Variants in PCDHAC1 observed in about 807,000 individuals in gnomAD.
PCDHAC1 encodes the protein protocadherin alpha-C1.
A neutral mutation model predicts 60.0 loss-of-function variants in PCDHAC1; 42 were observed. The ratio of observed to expected loss-of-function variants is 0.70; its 90% CI spans 0.55 to 0.90. The LOEUF is 0.90. Among genes scored for constraint, PCDHAC1 ranks in the 40% least tolerant of loss-of-function variants. The pLI, the probability that PCDHAC1 is intolerant of heterozygous loss-of-function variation, is 0.00. For synonymous variants in PCDHAC1, 468 were observed against 499.3 expected (o/e 0.94, Z 0.84); for missense variants, 1,160 against 1,222.3 (o/e 0.95, Z 0.76).
At chr5:140,965,861 T>C (rs971753310) in intron 1 of PCDHAC1, among the ~76,000 whole-genome samples, 3 of 152,192 alleles carry the variant, frequency 2.0e-5, no homozygotes, top group African/African-American at 7.2e-5. Flanking sequence ...ACACTGAAAA[T>C]AAGGGCCACT....
chr5:140,939,903 CT>C (rs1485545948), intron 1 of PCDHAC1, among the ~76,000 whole-genome samples: 1 of 152,046 alleles, frequency 6.6e-6, no homozygotes, highest in Non-Finnish European at 1.5e-5. Context: ...ATTCTGCATT[CT>C]TTTTTATTCT....
At chr5:140,938,469 T>C (rs1172900934) in intron 1 of PCDHAC1, among the ~76,000 whole-genome samples, 1 of 152,218 alleles carries the variant, frequency 6.6e-6, no homozygotes, top group South Asian at 2.1e-4. Flanking sequence ...TAATTTATTA[T>C]GTTTTTTAAA....
At chr5:140,956,181 T>C (rs1351584707) in intron 1 of PCDHAC1, among the ~76,000 whole-genome samples, 1 of 152,212 alleles carries the variant, frequency 6.6e-6, no homozygotes, top group South Asian at 2.1e-4. Flanking sequence ...CTTCCAATAC[T>C]ATGCTGAATA....
chr5:140,994,608 G>A (rs1231327885), intron 3 of PCDHAC1, among the ~76,000 whole-genome samples: 1 of 152,098 alleles, frequency 6.6e-6, no homozygotes, highest in African/African-American at 2.4e-5. Context: ...GGGAGGCTGA[G>A]GCACGAGAGT....
In PCDHAC1 at chr5:140,978,905, T is replaced by C. The variant is rs782532288; in HGVS notation, c.2434-44T>C. 9 of 1,613,632 alleles carry C rather than the reference T, an allele frequency of 5.6e-6. No homozygotes were observed. In the South Asian group the frequency reaches 9.9e-5, roughly 18 times the overall value. On this transcript the variant is annotated intron_variant, in intron 1 of 3. Coordinates refer to ENST00000253807, the MANE Select transcript of PCDHAC1 (RefSeq NM_018898.5). ...AATTAGCAGCATTCCTGGGAGAACA[T>C]TGTCTTGTCATTTTAACAGAAAACT...
intron 1 of PCDHAC1, chr5:140,968,346 C>T: frequency 6.2e-7 from 1 of 1,614,090 alleles, no homozygotes. Flanking sequence ...ATTAACAGTG[C>T]CAGTGGCAGC....
In PCDHAC1 at chr5:140,927,750, G is replaced by T. The variant is rs155819; in HGVS notation, c.858G>T (p.Val286=). The T allele has an allele frequency of 1.4e-3, 2,310 of 1,614,204 alleles. 26 individuals carry two copies. In the African/African-American group the frequency reaches 0.026, roughly 18 times the overall value. Residue 286 remains valine, a synonymous_variant, in exon 1 of 4, where the codon GTG becomes GTT. Coordinates refer to ENST00000253807, the MANE Select transcript of PCDHAC1 (RefSeq NM_018898.5). The part of the protein sequence containing the change: ...TQAELRHRFH[V]HPKSGEVQVA... ...CAGAGCTGCGACACCGCTTTCACGT[G>T]CACCCTAAAAGTGGGGAGGTGCAAG...
chr5:140,955,585 T>G (rs1438222402), intron 1 of PCDHAC1, among the ~76,000 whole-genome samples: 1 of 152,198 alleles, frequency 6.6e-6, no homozygotes, highest in African/African-American at 2.4e-5. Context: ...CAATTAAACC[T>G]CTTTCTTTTA....
chr5:140,977,074 T>C (rs1315038002), intron 1 of PCDHAC1, among the ~76,000 whole-genome samples: 1 of 152,244 alleles, frequency 6.6e-6, no homozygotes, highest in Admixed American at 6.5e-5. Flanking sequence ...AATAGCAGCA[T>C]GACAAATTAA....
Position 140,927,150 on chromosome 5 carries a change from G to GT in PCDHAC1, c.259dup (p.Cys87LeufsTer33). The GT allele has an allele frequency of 6.2e-7, 1 of 1,614,134 alleles. No homozygotes were observed. Among genetic ancestry groups the GT allele is most frequent in the Non-Finnish European group, 8.5e-7 (1 of 1,180,016 alleles). On this transcript the variant is annotated frameshift_variant, in exon 1 of 4. Coordinates refer to ENST00000253807, the MANE Select transcript of PCDHAC1 (RefSeq NM_018898.5). LOFTEE classifies it high-confidence loss of function. ...GAGAGCCGGCGGACCGCGAACAGCT[G>GT]TGCAGGGCCAAAGCTGCCTGCGTCT... is the stretch of plus-strand genomic sequence containing the variant.
Position 141,010,391 on chromosome 5 carries a change from C to T in PCDHAC1, c.*454C>T, listed in dbSNP as rs976643195. The T allele has an allele frequency of 2.2e-5, 30 of 1,386,642 alleles. No homozygotes were observed. Among genetic ancestry groups the T allele is most frequent in the South Asian group, 2.9e-5 (2 of 68,924 alleles). The allele number at this position is 1,386,642 out of a possible 1,614,324, so 85.9% of individuals were successfully genotyped here. A position where few individuals can be genotyped will look rare whatever the true frequency, so the allele number is the denominator to read the frequency against. The stretch of plus-strand genomic sequence containing the variant: ...TGCGAGTGCCAGATATTGGCTGAGA[C>T]GAGCCAGCTTAGACTAATTGGTACA... On this transcript the variant is annotated 3_prime_UTR_variant, in exon 4 of 4. Transcript: ENST00000253807.
intron 1 of PCDHAC1, among the ~76,000 whole-genome samples, chr5:140,954,639 T>A (rs1433862413): frequency 6.6e-6 from 1 of 152,240 alleles, no homozygotes; most frequent in East Asian, 1.9e-4. Flanking sequence ...TCTTGTAAAT[T>A]TGTTTAAGTT....
intron 1 of PCDHAC1, among the ~76,000 whole-genome samples, chr5:140,975,119 A>C (rs2096654213): frequency 6.6e-6 from 1 of 152,038 alleles, no homozygotes; most frequent in African/African-American, 2.4e-5. Context: ...CTGTTTTCCT[A>C]CTTACTATTG....
intron 3 of PCDHAC1, among the ~76,000 whole-genome samples, chr5:140,994,582 G>A (rs1179279862): frequency 6.6e-6 from 1 of 152,062 alleles, no homozygotes; most frequent in Non-Finnish European, 1.5e-5. Context: ...GCATGCACTT[G>A]TAGTCTCAGC....
chr5:140,942,316 A>G (rs1197832358), intron 1 of PCDHAC1, among the ~76,000 whole-genome samples: 1 of 152,100 alleles, frequency 6.6e-6, no homozygotes, highest in Non-Finnish European at 1.5e-5. Flanking sequence ...AGGTCGAGGC[A>G]CAAGAATCAC....
intron 3 of PCDHAC1, among the ~76,000 whole-genome samples, chr5:140,999,672 C>T (rs2153958475): frequency 6.6e-6 from 1 of 152,214 alleles, no homozygotes; most frequent in South Asian, 2.1e-4. Context: ...TTGCGGGGGG[C>T]TCACAGAAAG....
chr5:140,957,555 A>G (rs911734380), intron 1 of PCDHAC1, among the ~76,000 whole-genome samples: 4 of 152,120 alleles, frequency 2.6e-5, no homozygotes, highest in Admixed American at 2.6e-4. Flanking sequence ...TTCTCTGTGG[A>G]AAAGGAGGGA....
At chr5:140,995,371 C>G (rs143381591) in intron 3 of PCDHAC1, among the ~76,000 whole-genome samples, 3 of 152,120 alleles carry the variant, frequency 2.0e-5, no homozygotes, top group Admixed American at 1.3e-4. Flanking sequence ...GGATGATTCA[C>G]GTACTGGGCA....
At chr5:141,006,108 T>C (rs1268824828) in intron 3 of PCDHAC1, among the ~76,000 whole-genome samples, 5 of 151,864 alleles carry the variant, frequency 3.3e-5, no homozygotes. Context: ...GTAAGGAGTT[T>C]TTTTTTTTTT....
Sources: gnomAD v4.1 joint callset for allele counts (sites outside exome capture counted in the v4.1 genomes callset) on GRCh38, gnomAD v4.1.1 for gene constraint, MANE v1.5 for transcripts, NCBI Gene and HGNC (gene_info 2026-07-23, HGNC 2026-07-21) for gene names.